SEMA5A: variants seen among roughly 807,000 people sequenced by gnomAD.
The protein encoded by SEMA5A is semaphorin 5A.
In SEMA5A, 55 loss-of-function variants were observed where a neutral mutation model predicts 135.5. The ratio of observed to expected loss-of-function variants is 0.41; its 90% CI spans 0.33 to 0.51. SEMA5A has a LOEUF of 0.51. Ranked by LOEUF, SEMA5A falls within the 20% of genes least tolerant of loss-of-function variation. SEMA5A has a pLI of 0.37. For missense variants in SEMA5A, 1,290 were observed against 1,419.9 expected (o/e 0.91, Z 1.47); for synonymous variants, 580 against 546.5 (o/e 1.06, Z -0.85).
At chr5:9,417,998 A>G (rs1757338651) in intron 2 of SEMA5A, among the ~76,000 whole-genome samples, 1 of 142,522 alleles carries the variant, frequency 7.0e-6, no homozygotes, top group African/African-American at 2.6e-5. Flanking sequence ...TTTTTTCGAG[A>G]TGGAGTCTCG....
intron 5 of SEMA5A, among the ~76,000 whole-genome samples, chr5:9,273,183 G>T (rs1002269469): frequency 6.6e-6 from 1 of 152,048 alleles, no homozygotes; most frequent in Non-Finnish European, 1.5e-5. Flanking sequence ...AGAGAAATTC[G>T]TGAAGCATAC....
chr5:9,206,465 A>C (rs1746021529), intron 8 of SEMA5A, among the ~76,000 whole-genome samples: 2 of 152,084 alleles, frequency 1.3e-5, no homozygotes, highest in Admixed American at 6.6e-5. Flanking sequence ...TGCGAAGAAA[A>C]ACATCAAAAA....
At chr5:9,198,074 T>G (rs1745516089) in intron 9 of SEMA5A, among the ~76,000 whole-genome samples, 1 of 152,148 alleles carries the variant, frequency 6.6e-6, no homozygotes, top group African/African-American at 2.4e-5. Context: ...ATTTGCATTT[T>G]GAGCTCAGTC....
At position 9,051,988 on chromosome 5, in the gene SEMA5A, G is replaced by A. The variant is rs762863549; in HGVS notation, c.2730C>T (p.Ala910=). Residue 910 remains alanine (A), a synonymous_variant, in exon 20 of 23, where the codon GCC becomes GCT. Coordinates refer to ENST00000382496, the MANE Select transcript of SEMA5A (RefSeq NM_003966.3). ...SEWSDWSECE[A]SGVQVRARQC... ...GGCGGGCGCGGACTTGGACGCCAGA[G>A]GCTTCACACTCAGACCAGTCCGACC... The A allele has an allele frequency of 1.9e-6, 3 of 1,613,526 alleles. No homozygotes were observed. Among genetic ancestry groups the A allele is most frequent in the African/African-American group, 2.7e-5 (2 of 74,922 alleles).
chr5:9,171,335 A>G (rs1743910863), intron 11 of SEMA5A, among the ~76,000 whole-genome samples: 1 of 152,344 alleles, frequency 6.6e-6, no homozygotes, highest in Admixed American at 6.5e-5. Flanking sequence ...TAGGCAGGAA[A>G]TTGAGAGTCT....
intron 3 of SEMA5A, among the ~76,000 whole-genome samples, chr5:9,340,833 AG>A (rs1753615357): frequency 6.6e-6 from 1 of 152,180 alleles, no homozygotes; most frequent in Admixed American, 6.6e-5. Flanking sequence ...CTTGCAAGAA[AG>A]TCTCTGCACC....
chr5:9,233,324 AT>A (rs1208180616), intron 6 of SEMA5A, among the ~76,000 whole-genome samples: 2 of 152,242 alleles, frequency 1.3e-5, no homozygotes, highest in African/African-American at 4.8e-5. Context: ...AGAATTGACT[AT>A]TTGTGTTTAA....
At chr5:9,091,297 G>A (rs942134900) in intron 16 of SEMA5A, among the ~76,000 whole-genome samples, 3 of 152,154 alleles carry the variant, frequency 2.0e-5, no homozygotes, top group Admixed American at 6.5e-5. Flanking sequence ...AAAAATCAAC[G>A]ATTTGTATCA....
rs115899856 is a variant in SEMA5A, at chr5:9,413,400, G to A, written c.-78+24356C>T. On this transcript the variant is annotated intron_variant, in intron 2 of 22. Transcript: ENST00000382496. ...CTTTGGAAAGATTTTGAAAGTTTAG[G>A]CAAAGAGCATCCAAGGCTTCAATGG... Among the ~76,000 whole-genome samples, 913 of 152,256 alleles carry A rather than the reference G, an allele frequency of 6.0e-3. 6 individuals are homozygous for A. The highest frequency in any genetic ancestry group is 0.021 in the African/African-American group (863 of 41,552).
At chr5:9,325,005 G>A (rs984809712) in intron 4 of SEMA5A, among the ~76,000 whole-genome samples, 3 of 152,212 alleles carry the variant, frequency 2.0e-5, no homozygotes, top group African/African-American at 7.2e-5. Context: ...ATGTAAATAG[G>A]TAGTAATAAG....
intron 4 of SEMA5A, among the ~76,000 whole-genome samples, chr5:9,325,509 C>G (rs1752831171): frequency 6.6e-6 from 1 of 151,924 alleles, no homozygotes; most frequent in Admixed American, 6.6e-5. Flanking sequence ...ATAACTCATT[C>G]CTGGGTCCCA....
At chr5:9,464,711 A>G (rs948923024) in intron 1 of SEMA5A, among the ~76,000 whole-genome samples, 4 of 151,662 alleles carry the variant, frequency 2.6e-5, no homozygotes, top group Non-Finnish European at 5.9e-5. Flanking sequence ...AAGCTTGTAG[A>G]CCATCACAGC....
chr5:9,113,366 T>C (rs557251511), intron 15 of SEMA5A, among the ~76,000 whole-genome samples: 43 of 152,168 alleles, frequency 2.8e-4, no homozygotes, highest in Non-Finnish European at 4.9e-4. Context: ...CATCCATTAG[T>C]AGAAATCTGG....
At chr5:9,428,538 C>T (rs1364794926) in intron 2 of SEMA5A, among the ~76,000 whole-genome samples, 1 of 152,160 alleles carries the variant, frequency 6.6e-6, no homozygotes, top group African/African-American at 2.4e-5. Flanking sequence ...CTTTTCTGTT[C>T]TCTTCTACAT....
chr5:9,100,849 C>T (rs562044363), intron 16 of SEMA5A, among the ~76,000 whole-genome samples: 57 of 152,256 alleles, frequency 3.7e-4, no homozygotes, highest in Admixed American at 3.7e-3. Context: ...CCAGGATGTG[C>T]TGCCCTTTTT....
At chr5:9,542,731 A>G (rs1738161021) in intron 1 of SEMA5A, among the ~76,000 whole-genome samples, 1 of 152,172 alleles carries the variant, frequency 6.6e-6, no homozygotes. Context: ...CGGCTGCTGT[A>G]CTCAAATAGT....
At chr5:9,142,682 T>A (rs1247330203) in intron 12 of SEMA5A, among the ~76,000 whole-genome samples, 1 of 152,176 alleles carries the variant, frequency 6.6e-6, no homozygotes, top group Non-Finnish European at 1.5e-5. Flanking sequence ...AAAAACATTA[T>A]CTGGCCAGGC....
intron 11 of SEMA5A, 74 bp downstream of exon 11, chr5:9,190,193 T>A: frequency 2.0e-6 from 3 of 1,470,550 alleles, no homozygotes; most frequent in Non-Finnish European, 2.8e-6. Flanking sequence ...TGAAATTGAA[T>A]GTTTAGAATC....
intron 13 of SEMA5A, among the ~76,000 whole-genome samples, chr5:9,135,137 C>A (rs1579456158): frequency 6.6e-6 from 1 of 151,454 alleles, no homozygotes; most frequent in African/African-American, 2.4e-5. Context: ...TAGCCCCAGA[C>A]TTCCTTGCTT....
Sources: allele counts gnomAD v4.1 joint callset (sites outside exome capture counted in the v4.1 genomes callset), GRCh38; gene constraint gnomAD v4.1.1; transcripts MANE v1.5; gene names NCBI Gene and HGNC (gene_info 2026-07-23, HGNC 2026-07-21).